Variants in UCK1 observed in about 807,000 individuals in gnomAD.
The protein encoded by UCK1 is uridine-cytidine kinase 1.
Under a neutral mutation model 34.0 loss-of-function variants are expected in UCK1, and 20 were observed. The observed-to-expected ratio is 0.59, with a 90% CI of 0.41 to 0.86. The LOEUF is 0.86. Among genes scored for constraint, UCK1 ranks in the 40% least tolerant of loss-of-function variants. The pLI, the probability that UCK1 is intolerant of heterozygous loss-of-function variation, is 0.00. For synonymous variants in UCK1, 168 were observed against 155.9 expected, an observed-to-expected ratio of 1.08 and a Z score of -0.58; for missense variants, 343 against 383.6, an observed-to-expected ratio of 0.89 and a Z score of 0.88.
chr9:131,527,991 T>C (rs1219644541), intron 5 of UCK1, among the ~76,000 whole-genome samples: 1 of 152,112 alleles, frequency 6.6e-6, no homozygotes, highest in Non-Finnish European at 1.5e-5. Flanking sequence ...CCAGCCAACA[T>C]GGCAAAACCC....
chr9:131,530,741 G>A (rs1950807381), intron 1 of UCK1, 96 bp from the exon 2 acceptor site: 2 of 1,609,530 alleles, frequency 1.2e-6, no homozygotes, highest in Non-Finnish European at 1.7e-6. Context: ...CGCCCCCTGG[G>A]GGGTATGCTC....
At chr9:131,526,525 G>A in intron 5 of UCK1, 1 of 1,289,402 alleles carries the variant, frequency 7.8e-7, no homozygotes, top group Non-Finnish European at 1.0e-6. Flanking sequence ...GGACAAGGAT[G>A]GAGATATATC....
chr9:131,530,142 G>A (rs1285778705), intron 2 of UCK1, among the ~76,000 whole-genome samples: 1 of 152,236 alleles, frequency 6.6e-6, no homozygotes, highest in African/African-American at 2.4e-5. Context: ...GGCACAGTGG[G>A]CAGAGGTGTG....
rs371104557 is a variant in UCK1, at chr9:131,529,255, C to T, written c.381G>A (p.Thr127=). The part of the protein sequence containing the change: ...FVTHSRLPET[T]VVYPADVVLF... ...GAACCACGTCCGCAGGGTAGACCAC[C>T]GTGGTCTCTGGTAACCTGAGGGGCG... Residue 127 remains threonine (T), a synonymous_variant, in exon 4 of 7, where the codon ACG becomes ACA. Coordinates refer to ENST00000372215, the MANE Select transcript of UCK1 (RefSeq NM_031432.5). 179 of 1,614,162 alleles carry T rather than the reference C, an allele frequency of 1.1e-4. 2 individuals are homozygous for T. The South Asian group carries it at 1.3e-3, about 12-fold the overall frequency.
chr9:131,528,896 G>T (rs201948807), intron 5 of UCK1, 48 bp downstream of exon 5: 48 of 1,602,992 alleles, frequency 3.0e-5, no homozygotes, highest in Non-Finnish European at 3.8e-5. Context: ...GGTCCCATGT[G>T]TCCTTGTGAA....
In UCK1 at chr9:131,529,674, G is replaced by C. The variant is rs565697360; in HGVS notation, c.269-90C>G. 5.9e-6 allele frequency: 7 copies of C among 1,189,988 alleles called. No homozygotes were observed. The Middle Eastern group carries it at 9.7e-4, about 166-fold the overall frequency. 73.7% of individuals were successfully genotyped at this position (1,189,988 alleles called of 1,614,324 possible). On this transcript the variant is annotated intron_variant, in intron 2 of 6. Transcript: ENST00000372215. Reference sequence around the variant, plus strand: ...TCTCTGCTCTGGGGTCAGCACAGCTGGGTGCTGGGGACACCGAGAACCCTA... The same window carrying C: ...TCTCTGCTCTGGGGTCAGCACAGCTCGGTGCTGGGGACACCGAGAACCCTA...
At position 131,530,743 on chromosome 9, in the gene UCK1, G is replaced by T; in HGVS notation, c.109-98C>A. On this transcript the variant is annotated intron_variant, in intron 1 of 6. Transcript: ENST00000372215. The stretch of plus-strand genomic sequence containing the variant: ...ACACTGACCCACCCGCCCCCTGGGG[G>T]GTATGCTCGGAAGGCGGGAGGACAC... 8 of 1,608,726 alleles carry T rather than the reference G, an allele frequency of 5.0e-6. No homozygotes were observed. In the South Asian group the frequency reaches 6.6e-5, roughly 13 times the overall value.
intron 5 of UCK1, 126 bp downstream of exon 5, chr9:131,528,818 A>C (rs1950710889): frequency 8.3e-7 from 1 of 1,206,434 alleles, no homozygotes; most frequent in Non-Finnish European, 1.2e-6. Context: ...GGCCATAATG[A>C]GCCAAATTCT....
chr9:131,529,411 C>G, intron 3 of UCK1, 77 bp downstream of exon 3: 1 of 1,600,728 alleles, frequency 6.2e-7, no homozygotes, highest in African/African-American at 1.3e-5. Flanking sequence ...GGCCTGCCGC[C>G]AGGCAGGTCT....
At position 131,529,895 on chromosome 9, in the gene UCK1, TTC is replaced by T. The variant is rs1317897674; in HGVS notation, c.269-313_269-312del. Among the ~76,000 whole-genome samples, 4 of 152,344 alleles carry T rather than the reference TTC, an allele frequency of 2.6e-5. No homozygotes were observed. The East Asian group carries it at 7.7e-4, about 29-fold the overall frequency. On this transcript the variant is annotated intron_variant, in intron 2 of 6. Coordinates refer to ENST00000372215, the MANE Select transcript of UCK1 (RefSeq NM_031432.5). Reference sequence around the variant, plus strand: ...GGAGGTGGGTAGGCTGGGCCTCTGCTTCTCTCTCTTTCTGGGACTAACTGGTT... The same window carrying T: ...GGAGGTGGGTAGGCTGGGCCTCTGCTTCTCTCTTTCTGGGACTAACTGGTT...
At chr9:131,530,977 C>A (rs1289609061) in intron 1 of UCK1, 90 bp downstream of exon 1, 2 of 1,172,906 alleles carry the variant, frequency 1.7e-6, no homozygotes, top group East Asian at 6.5e-5. Flanking sequence ...TGGCAGGGGG[C>A]CCCTCGGCCG....
rs1319072265 is a variant in UCK1, at chr9:131,523,836, T to G, written c.*1204A>C. ...GTGTTTGTTATTTATTGATTCTCCC[T>G]CCAAAGGGGCCTAAGCTCGACAAAA... On this transcript the variant is annotated 3_prime_UTR_variant, in exon 7 of 7. Coordinates refer to ENST00000372215, the MANE Select transcript of UCK1 (RefSeq NM_031432.5). 1.3e-5 allele frequency: 2 copies of G among 152,814 alleles called. No individual in the cohort carries two copies. The highest frequency in any genetic ancestry group is 3.9e-4 in the East Asian group (2 of 5,180). 9.5% of individuals were successfully genotyped at this position (152,814 alleles called of 1,614,324 possible).
Position 131,523,819 on chromosome 9 carries a change from T to TAAA in UCK1, c.*1220_*1221insTTT, listed in dbSNP as rs1434493691. ...ACTGGCGTTTGTAGTTGGTGTTTGT[T>TAAA]ATTTATTGATTCTCCCTCCAAAGGG... On this transcript the variant is annotated 3_prime_UTR_variant, in exon 7 of 7. Transcript: ENST00000372215. 1 of 153,034 alleles carries TAAA rather than the reference T, an allele frequency of 6.5e-6. No individual in the cohort carries two copies. Among genetic ancestry groups the TAAA allele is most frequent in the Non-Finnish European group, 1.5e-5 (1 of 68,676 alleles). 9.5% of individuals were successfully genotyped at this position (153,034 alleles called of 1,614,324 possible). A position where few individuals can be genotyped will look rare whatever the true frequency, so the allele number is the denominator to read the frequency against.
chr9:131,525,829 CG>C, intron 6 of UCK1, 99 bp downstream of exon 6: 1 of 1,267,922 alleles, frequency 7.9e-7, no homozygotes. Flanking sequence ...TGGCAGGCCG[CG>C]TGCGCAGGGG....
rs757453402 is a variant in UCK1 at position 131,525,906 on chromosome 9, A to G, written c.652+23T>C. The G allele has an allele frequency of 9.3e-6, 15 of 1,612,646 alleles. No individual in the cohort carries two copies. In the Admixed American group the frequency reaches 2.0e-4, roughly 22 times the overall value. On this transcript the variant is annotated intron_variant, in intron 6 of 6. Transcript: ENST00000372215. ...CAAGCTCTGGGAGGGGCGGGGGGAC[A>G]GCCCAGCAGGCCAGCTTCTTACCCA... is the stretch of plus-strand genomic sequence containing the variant.
Position 131,525,014 on chromosome 9 carries a change from G to T in UCK1, c.*26C>A. The T allele has an allele frequency of 6.2e-7, 1 of 1,600,582 alleles. No individual in the cohort carries two copies. The highest frequency in any genetic ancestry group is 1.1e-5 in the South Asian group (1 of 90,570). On this transcript the variant is annotated 3_prime_UTR_variant, in exon 7 of 7. Coordinates refer to ENST00000372215, the MANE Select transcript of UCK1 (RefSeq NM_031432.5). ...CCCTGAACACACATGCCGGGCGGGA[G>T]ACCTGCCCTGAGGCTCGGCAGCCCC... is the stretch of plus-strand genomic sequence containing the variant.
At chr9:131,530,727 C>T in intron 1 of UCK1, 82 bp from the exon 2 acceptor site, 1 of 1,612,796 alleles carries the variant, frequency 6.2e-7, no homozygotes, top group Non-Finnish European at 8.5e-7. Flanking sequence ...GACACTGACC[C>T]ACCCGCCCCC....
rs1022452680 is a variant in UCK1, at chr9:131,529,426, G to A, written c.365+62C>T. 41 of 1,609,732 alleles carry A rather than the reference G, an allele frequency of 2.5e-5. No individual in the cohort carries two copies. The South Asian group carries it at 4.2e-4, about 16-fold the overall frequency. On this transcript the variant is annotated intron_variant, in intron 3 of 6. Transcript: ENST00000372215. ...GGCCTGCCGCCAGGCAGGTCTGTGTGAGCCCGAGGGGACGTCCTAGCTGGC... is the reference window on the plus strand; with the variant it reads ...GGCCTGCCGCCAGGCAGGTCTGTGTAAGCCCGAGGGGACGTCCTAGCTGGC...
rs1431750588 is a variant in UCK1 at position 131,529,172 on chromosome 9, C to T, written c.464G>A (p.Arg155His). The change falls in exon 4 of 7, where the codon CGC becomes CAC. Residue 155 changes from arginine to histidine, a missense_variant. Arg to His is a conservative substitution (Grantham distance 29). Transcript: ENST00000372215. ...GTCGGAGTCGGTGTCCACGAAGAGG[C>T]GCAGGTGGAACATGTCCCGGATCTC... The part of the protein sequence containing the change: ...SQEIRDMFHL[R>H]LFVDTDSDVR... 14 of 1,613,936 alleles carry T rather than the reference C, an allele frequency of 8.7e-6. No individual in the cohort carries two copies. The highest frequency in any genetic ancestry group is 1.3e-5 in the African/African-American group (1 of 74,926).
Sources: allele counts gnomAD v4.1 joint callset (sites outside exome capture counted in the v4.1 genomes callset), GRCh38; gene constraint gnomAD v4.1.1; transcripts MANE v1.5; gene names NCBI Gene and HGNC (gene_info 2026-07-23, HGNC 2026-07-21).